Variants in LRMDA observed in about 807,000 individuals in gnomAD.
The protein encoded by LRMDA is leucine-rich melanocyte differentiation-associated protein.
In LRMDA, 18 loss-of-function variants were observed where a neutral mutation model predicts 29.8. The observed-to-expected ratio is 0.60, with a 90% CI of 0.42 to 0.90. The LOEUF (loss-of-function observed/expected upper bound fraction) is 0.90, where lower values mean the gene tolerates loss of function less well. Ranked by LOEUF, LRMDA falls within the 40% of genes least tolerant of loss-of-function variation. The pLI, the probability that LRMDA is intolerant of heterozygous loss-of-function variation, is 0.00. For missense variants in LRMDA, 273 were observed against 273.9 expected (o/e 1.00, Z 0.02); for synonymous variants, 125 against 109.4 (o/e 1.14, Z -0.89).
intron 2 of LRMDA, among the ~76,000 whole-genome samples, chr10:76,030,654 T>C (rs1848134219): frequency 6.6e-6 from 1 of 152,340 alleles, no homozygotes; most frequent in South Asian, 2.1e-4. Context: ...CTGGGCGTGG[T>C]GGCGGAAGCC....
intron 6 of LRMDA, among the ~76,000 whole-genome samples, chr10:76,417,474 A>C (rs895357026): frequency 1.4e-5 from 2 of 142,058 alleles, no homozygotes; most frequent in African/African-American, 5.1e-5. Flanking sequence ...CCACCCAGAC[A>C]AAAAAAAAAA....
chr10:75,852,256 G>A (rs1407619743), intron 2 of LRMDA, among the ~76,000 whole-genome samples: 7 of 152,132 alleles, frequency 4.6e-5, no homozygotes, highest in African/African-American at 1.7e-4. Flanking sequence ...AAAAAATAGA[G>A]ATTGAAAACT....
intron 2 of LRMDA, among the ~76,000 whole-genome samples, chr10:75,758,645 T>C (rs754039798): frequency 6.6e-6 from 1 of 152,262 alleles, no homozygotes; most frequent in Non-Finnish European, 1.5e-5. Flanking sequence ...ACTTTTATTA[T>C]CTACAGCCAT....
chr10:76,132,965 G>GCT (rs1488346891), intron 5 of LRMDA, among the ~76,000 whole-genome samples: 17 of 118,838 alleles, frequency 1.4e-4, no homozygotes, highest in Non-Finnish European at 1.8e-4. Context: ...ACCACGCCCG[G>GCT]CTTTTTTTTT....
intron 2 of LRMDA, among the ~76,000 whole-genome samples, chr10:75,560,993 C>T (rs1441453350): frequency 6.7e-6 from 1 of 149,822 alleles, no homozygotes; most frequent in Admixed American, 6.7e-5. Flanking sequence ...GTCTAAAATT[C>T]TCTTTTTTGG....
rs550961590 is a variant in LRMDA, at chr10:76,069,981, C to T, written c.516+11198C>T. On this transcript the variant is annotated intron_variant, in intron 5 of 6. Coordinates refer to ENST00000611255, the MANE Select transcript of LRMDA (RefSeq NM_001305581.2). The stretch of plus-strand genomic sequence containing the variant: ...CTCCATTTGGGGACTGGGCCCACTC[C>T]AAGTTTCAGGGTAATGTTTAGGTTT... Among the ~76,000 whole-genome samples the T allele has an allele frequency of 1.2e-4, 18 of 152,272 alleles. No homozygotes were observed. In the South Asian group the frequency reaches 3.7e-3, roughly 32 times the overall value.
intron 2 of LRMDA, among the ~76,000 whole-genome samples, chr10:75,472,050 T>C (rs1180029385): frequency 6.6e-6 from 1 of 152,170 alleles, no homozygotes; most frequent in Non-Finnish European, 1.5e-5. Flanking sequence ...CCCACCAGTT[T>C]GATCGTCTTA....
intron 2 of LRMDA, among the ~76,000 whole-genome samples, chr10:75,505,682 C>T (rs1845161811): frequency 6.6e-6 from 1 of 152,182 alleles, no homozygotes; most frequent in Admixed American, 6.5e-5. Context: ...GAATGCCCTT[C>T]TTTCATGTTT....
At chr10:75,590,153 G>C (rs1025249459) in intron 2 of LRMDA, among the ~76,000 whole-genome samples, 6 of 151,858 alleles carry the variant, frequency 4.0e-5, no homozygotes, top group African/African-American at 7.2e-5. Flanking sequence ...AAAGTAGCTG[G>C]GACGACAGGC....
chr10:75,883,487 A>G (rs1845328000), intron 2 of LRMDA: 1 of 152,156 alleles, frequency 6.6e-6, no homozygotes, highest in African/African-American at 2.4e-5. Flanking sequence ...GTCTGCACCC[A>G]TCTTCATTAC....
At chr10:75,619,441 G>A (rs764244962) in intron 2 of LRMDA, among the ~76,000 whole-genome samples, 2 of 152,132 alleles carry the variant, frequency 1.3e-5, no homozygotes, top group Non-Finnish European at 2.9e-5. Flanking sequence ...TAGGTTTGCA[G>A]TACACACTGC....
At chr10:75,714,879 C>T (rs960753808) in intron 2 of LRMDA, among the ~76,000 whole-genome samples, 3 of 135,504 alleles carry the variant, frequency 2.2e-5, no homozygotes, top group Non-Finnish European at 3.2e-5. Flanking sequence ...TCCTTCCTTC[C>T]TTCTTTCCTT....
intron 4 of LRMDA, among the ~76,000 whole-genome samples, chr10:76,055,554 C>A (rs1848600181): frequency 6.6e-6 from 1 of 152,204 alleles, no homozygotes; most frequent in African/African-American, 2.4e-5. Context: ...ACCTACTCGG[C>A]CTGGTGGGCT....
In LRMDA at chr10:75,992,879, C is replaced by A. The variant is rs191044822; in HGVS notation, c.132-43129C>A. 3.2e-3 allele frequency among the ~76,000 whole-genome samples: 484 copies of A among 152,270 alleles called. 4 individuals carry two copies. The highest frequency in any genetic ancestry group is 3.6e-3 in the Non-Finnish European group (246 of 68,034). On this transcript the variant is annotated intron_variant, in intron 2 of 6. Coordinates refer to ENST00000611255, the MANE Select transcript of LRMDA (RefSeq NM_001305581.2). ...TGGACTCAGGTCCAAATTCATTCAT[C>A]CACCAGGCTTATCCTTTGTCTGCCT...
intron 5 of LRMDA, among the ~76,000 whole-genome samples, chr10:76,179,495 C>A (rs1269788915): frequency 1.3e-5 from 2 of 152,126 alleles, no homozygotes; most frequent in African/African-American, 4.8e-5. Context: ...GGACACATGA[C>A]AGGAGGATGG....
intron 5 of LRMDA, among the ~76,000 whole-genome samples, chr10:76,071,248 G>T (rs1294996422): frequency 6.6e-6 from 1 of 152,148 alleles, no homozygotes; most frequent in East Asian, 1.9e-4. Context: ...CATGTCCAAA[G>T]AATATTATCC....
chr10:75,950,540 C>A (rs186785333), intron 2 of LRMDA, among the ~76,000 whole-genome samples: 161 of 152,334 alleles, frequency 1.1e-3, no homozygotes, highest in African/African-American at 3.7e-3. Context: ...CTGAGATGTT[C>A]ATTCCTTTCA....
intron 2 of LRMDA, among the ~76,000 whole-genome samples, chr10:75,800,172 G>A (rs533502262): frequency 5.9e-4 from 90 of 152,054 alleles, no homozygotes; most frequent in African/African-American, 2.1e-3. Flanking sequence ...GTATTTAAGT[G>A]CACACATATT....
chr10:76,121,361 G>A (rs1849785180), intron 5 of LRMDA, among the ~76,000 whole-genome samples: 2 of 152,164 alleles, frequency 1.3e-5, no homozygotes, highest in Non-Finnish European at 2.9e-5. Flanking sequence ...CCATTTCTGT[G>A]GGCTTGAGGC....
Sources: allele counts gnomAD v4.1 joint callset (sites outside exome capture counted in the v4.1 genomes callset), GRCh38; gene constraint gnomAD v4.1.1; transcripts MANE v1.5; gene names NCBI Gene and HGNC (gene_info 2026-07-23, HGNC 2026-07-21).